Variants in PKD1L1 observed in about 807,000 individuals in gnomAD.
PKD1L1 encodes polycystin-1-like protein 1.
A neutral mutation model predicts 323.4 loss-of-function variants in PKD1L1; 236 were observed. That is an observed-to-expected ratio of 0.73 (90% confidence interval 0.66 to 0.81). The LOEUF is 0.81. PKD1L1 is among the 40% of genes least tolerant of loss of function. The probability of loss-of-function intolerance (pLI) is 0.00; values close to 1 mark genes in which losing one functional copy is unlikely to be tolerated. For missense variants in PKD1L1, 3,320 were observed against 3,508.0 expected, an observed-to-expected ratio of 0.95 and a Z score of 1.35; for synonymous variants, 1,344 against 1,335.0, an observed-to-expected ratio of 1.01 and a Z score of -0.15.
rs769873663 is a variant in PKD1L1, at chr7:47,888,020, C to T, written c.2806G>A (p.Val936Ile). ...NLSYSWDLFLVNATEKNRIEV... is the reference protein window; with the variant it reads ...NLSYSWDLFLINATEKNRIEV... The stretch of plus-strand genomic sequence containing the variant: ...ATCCTATTCTTTTCTGTTGCATTGA[C>T]TAAAAAGAGATCCCAGGAATAAGAC... The change falls in exon 17 of 57, where the codon GTC becomes ATC. Residue 936 changes from valine (V) to isoleucine (I), a missense_variant. Coordinates refer to ENST00000289672, the MANE Select transcript of PKD1L1 (RefSeq NM_138295.5). The T allele has an allele frequency of 2.5e-6, 4 of 1,613,802 alleles. No homozygotes were observed. The South Asian group carries it at 3.3e-5, about 13-fold the overall frequency.
intron 40 of PKD1L1, among the ~76,000 whole-genome samples, chr7:47,833,460 C>T (rs376281984): frequency 1.3e-5 from 2 of 152,084 alleles, no homozygotes; most frequent in East Asian, 3.9e-4. Flanking sequence ...ACGGTGGGTG[C>T]CCCTGGGGAA....
chr7:47,792,501 G>A lies in PKD1L1; in HGVS notation c.8526+126C>T, dbSNP rs1584945750. 4.3e-6 allele frequency: 4 copies of A among 935,584 alleles called. No homozygotes were observed. The East Asian group carries it at 1.0e-4, about 24-fold the overall frequency. 58.0% of individuals were successfully genotyped at this position (935,584 alleles called of 1,614,324 possible). A position where few individuals can be genotyped will look rare whatever the true frequency, so the allele number is the denominator to read the frequency against. ...CTGGCCAGAGCATATCTTATCAGCA[G>A]TATGATATCTAAAGAATATTTATGC... On this transcript the variant is annotated intron_variant, in intron 56 of 56. Transcript: ENST00000289672.
rs62447081 is a variant in PKD1L1, at chr7:47,880,747, G to A, written c.3501C>T (p.Tyr1167=). Residue 1167 remains tyrosine, a synonymous_variant, in exon 21 of 57, where the codon TAC becomes TAT. Transcript: ENST00000289672. ...KPYSLSSGET[Y]VLQVSVASKH... ...ACATACCCACAGACACTTGCAGGAC[G>A]TACGTCTCTCCACTGCTCAGAGAGT... The A allele has an allele frequency of 0.29, 467,292 of 1,602,790 alleles. 72,879 individuals carry two copies. Among genetic ancestry groups the A allele is most frequent in the African/African-American group, 0.57 (41,850 of 73,962 alleles).
chr7:47,894,512 A>C (rs1786894239), intron 14 of PKD1L1, among the ~76,000 whole-genome samples: 2 of 152,174 alleles, frequency 1.3e-5, no homozygotes, highest in South Asian at 4.1e-4. Context: ...TAAACCCAGG[A>C]ATAGCAGAAC....
chr7:47,914,735 C>G (rs1250484854), intron 8 of PKD1L1, among the ~76,000 whole-genome samples: 1 of 151,690 alleles, frequency 6.6e-6, no homozygotes, highest in Non-Finnish European at 1.5e-5. Context: ...CCCTCTCTTT[C>G]TCTCTCTCTT....
At chr7:47,852,515 G>A (rs1036421564) in intron 31 of PKD1L1, among the ~76,000 whole-genome samples, 5 of 152,326 alleles carry the variant, frequency 3.3e-5, no homozygotes, top group Admixed American at 3.3e-4. Flanking sequence ...CAGGGCCTGT[G>A]GAAGTCAGTG....
chr7:47,832,154 G>A (rs980417397), intron 41 of PKD1L1, among the ~76,000 whole-genome samples: 13 of 152,218 alleles, frequency 8.5e-5, no homozygotes, highest in African/African-American at 2.7e-4. Flanking sequence ...GAGGGACACT[G>A]GCTGAACATA....
upstream of PKD1L1, among the ~76,000 whole-genome samples, chr7:47,951,210 G>A (rs1487070802): frequency 7.9e-5 from 12 of 152,148 alleles, no homozygotes. Context: ...ACTCGATCAG[G>A]ATTTTGACTC....
At chr7:47,877,826 T>TGA (rs1786443475) in intron 21 of PKD1L1, among the ~76,000 whole-genome samples, 195 bp from the exon 22 acceptor site, 1 of 152,098 alleles carries the variant, frequency 6.6e-6, no homozygotes, top group African/African-American at 2.4e-5. Flanking sequence ...ACTCAGAAAC[T>TGA]GAGACTCAGT....
intron 54 of PKD1L1, 75 bp downstream of exon 54, chr7:47,800,574 G>T: frequency 6.9e-7 from 1 of 1,455,752 alleles, no homozygotes; most frequent in Non-Finnish European, 9.5e-7. Flanking sequence ...TGTCCACATG[G>T]ACCAGAGTTT....
At chr7:47,843,202 G>C in intron 33 of PKD1L1, 33 bp from the exon 34 acceptor site, 1 of 1,536,638 alleles carries the variant, frequency 6.5e-7, no homozygotes, top group Non-Finnish European at 8.9e-7. Context: ...AAAGAAAATT[G>C]CTCATGAAAA....
At chr7:47,830,016 T>C (rs778424777) in intron 43 of PKD1L1, 24 bp downstream of exon 43, 1 of 1,608,802 alleles carries the variant, frequency 6.2e-7, no homozygotes, top group South Asian at 1.1e-5. Context: ...GGAAGGCACT[T>C]CTACCATGGA....
intron 13 of PKD1L1, 47 bp from the exon 14 acceptor site, chr7:47,898,241 C>G: frequency 2.0e-6 from 3 of 1,464,636 alleles, no homozygotes; most frequent in Non-Finnish European, 2.9e-6. Context: ...TCCATCACAT[C>G]TAATGTACTG....
rs759544159 is a variant in PKD1L1, at chr7:47,915,547, T to C, written c.1113A>G (p.Glu371=). The C allele has an allele frequency of 5.8e-6, 9 of 1,563,194 alleles. 1 individual carries two copies. In the Admixed American group the frequency reaches 6.7e-5, roughly 12 times the overall value. Residue 371 remains glutamate, a synonymous_variant, in exon 8 of 57, where the codon GAA becomes GAG. Coordinates refer to ENST00000289672, the MANE Select transcript of PKD1L1 (RefSeq NM_138295.5). ...TTAAAGTTGTATTTTGTGTCTCTGC[T>C]TCTTTGTAGGTGGACATATCCAACT... is the stretch of plus-strand genomic sequence containing the variant. ...HFQLDMSTYK[E]AETQNTTLNV...
At chr7:47,922,636 G>A (rs550984576) in intron 7 of PKD1L1, among the ~76,000 whole-genome samples, 153 of 150,928 alleles carry the variant, frequency 1.0e-3, no homozygotes, top group African/African-American at 3.5e-3. Flanking sequence ...GTCTCTGACC[G>A]GCCGCCCCGT....
At chr7:47,920,890 C>T (rs1157329391) in intron 7 of PKD1L1, among the ~76,000 whole-genome samples, 1 of 152,130 alleles carries the variant, frequency 6.6e-6, no homozygotes, top group Admixed American at 6.5e-5. Flanking sequence ...CAAAAATCAA[C>T]TCAAGATGGA....
In PKD1L1 at chr7:47,875,167, A is replaced by G. The variant is rs569509270; in HGVS notation, c.3784+930T>C. Among the ~76,000 whole-genome samples, 3 of 152,352 alleles carry G rather than the reference A, an allele frequency of 2.0e-5. No individual in the cohort carries two copies. In the South Asian group the frequency reaches 6.2e-4, roughly 32 times the overall value. On this transcript the variant is annotated intron_variant, in intron 23 of 56. Transcript: ENST00000289672. ...GGAGTACAAAGTCACTGTGATACAA[A>G]GCAGAGCATGATTATGAAGATCTCA...
At chr7:47,911,204 G>C (rs1376034513) in intron 8 of PKD1L1, among the ~76,000 whole-genome samples, 1 of 151,990 alleles carries the variant, frequency 6.6e-6, no homozygotes, top group Non-Finnish European at 1.5e-5. Flanking sequence ...TTGAAATCTG[G>C]CTATTTAAAA....
chr7:47,909,712 T>A (rs990889244), intron 8 of PKD1L1, among the ~76,000 whole-genome samples: 4 of 152,200 alleles, frequency 2.6e-5, no homozygotes, highest in African/African-American at 9.7e-5. Flanking sequence ...AGGCCTAGAG[T>A]ATGCAATGCT....
Sources: gnomAD v4.1 joint callset for allele counts (sites outside exome capture counted in the v4.1 genomes callset) on GRCh38, gnomAD v4.1.1 for gene constraint, MANE v1.5 for transcripts, NCBI Gene and HGNC (gene_info 2026-07-23, HGNC 2026-07-21) for gene names.